Variants in GPR158 observed in about 807,000 individuals in gnomAD.
GPR158 encodes G protein-coupled receptor 158, also known as metabotropic glycine receptor.
Under a neutral mutation model 78.2 loss-of-function variants are expected in GPR158, and 30 were observed. The ratio of observed to expected loss-of-function variants is 0.38; its 90% confidence interval spans 0.29 to 0.52. GPR158 has a LOEUF of 0.52. Ranked by LOEUF, GPR158 falls within the 20% of genes least tolerant of loss-of-function variation. GPR158 has a pLI of 0.83. For missense variants in GPR158, 1,463 were observed against 1,523.5 expected, an observed-to-expected ratio of 0.96 and a Z score of 0.66; for synonymous variants, 581 against 591.1, an observed-to-expected ratio of 0.98 and a Z score of 0.25.
At chr10:25,269,848 G>A (rs1236975850) in intron 2 of GPR158, among the ~76,000 whole-genome samples, 2 of 152,104 alleles carry the variant, frequency 1.3e-5, no homozygotes, top group Non-Finnish European at 2.9e-5. Context: ...ATCCTTTAAC[G>A]TTTGTATTAT....
At chr10:25,235,719 C>T (rs1337026095) in intron 2 of GPR158, among the ~76,000 whole-genome samples, 17 of 120,614 alleles carry the variant, frequency 1.4e-4, no homozygotes, top group Middle Eastern at 6.3e-3. Context: ...TTTTTTGAGA[C>T]GGAGTATCTC....
chr10:25,585,934 G>A (rs10764564), intron 7 of GPR158, among the ~76,000 whole-genome samples: 44,390 of 152,034 alleles, frequency 0.29, 6,942 homozygotes, highest in East Asian at 0.49. Flanking sequence ...TGCCACGATC[G>A]TGCCACAACA....
rs775562290 is a variant in GPR158 at position 25,599,204 on chromosome 10, C to T, written c.3578C>T (p.Ser1193Phe). The change falls in exon 11 of 11, where the codon TCT becomes TTT. Residue 1193 changes from serine to phenylalanine, a missense_variant. Transcript: ENST00000376351. ...GGAAGAAGTGTAGCTTTACCTGCCT[C>T]TTCTGCTCTAAGTGCAAATAAGATA... ...NAGRSVALPA[S>F]SALSANKIAG... 1.2e-6 allele frequency: 2 copies of T among 1,612,250 alleles called. No individual in the cohort carries two copies. The highest frequency in any genetic ancestry group is 1.3e-5 in the African/African-American group (1 of 74,914).
chr10:25,546,383 T>C (rs75354200), intron 5 of GPR158, among the ~76,000 whole-genome samples: 3,221 of 152,294 alleles, frequency 0.021, 50 homozygotes, highest in African/African-American at 0.038. Flanking sequence ...TGCAGACTTA[T>C]GCATCCTTTT....
At chr10:25,216,193 T>C (rs759629398) in intron 1 of GPR158, among the ~76,000 whole-genome samples, 4 of 152,226 alleles carry the variant, frequency 2.6e-5, no homozygotes, top group Non-Finnish European at 5.9e-5. Flanking sequence ...TCTGGTTGTC[T>C]ATTGTTAGAA....
At chr10:25,203,763 C>T (rs1417620936) in intron 1 of GPR158, among the ~76,000 whole-genome samples, 1 of 144,246 alleles carries the variant, frequency 6.9e-6, no homozygotes, top group South Asian at 2.3e-4. Flanking sequence ...TCCATATGAA[C>T]TTTAAAGTAG....
At chr10:25,491,179 T>C (rs551748032) in intron 5 of GPR158, among the ~76,000 whole-genome samples, 1 of 152,314 alleles carries the variant, frequency 6.6e-6, no homozygotes. Flanking sequence ...TCTATAGATC[T>C]TTGTAAAAGA....
At chr10:25,233,435 T>G (rs1394179183) in intron 2 of GPR158, among the ~76,000 whole-genome samples, 1 of 152,222 alleles carries the variant, frequency 6.6e-6, no homozygotes, top group Admixed American at 6.5e-5. Context: ...GAGGAGATTC[T>G]ATTGAGTTGA....
rs556774773 is a variant in GPR158, at chr10:25,337,406, A to G, written c.1009-58505A>G. Among the ~76,000 whole-genome samples the G allele has an allele frequency of 3.3e-5, 5 of 152,192 alleles. No homozygotes were observed. The South Asian group carries it at 1.0e-3, about 32-fold the overall frequency. On this transcript the variant is annotated intron_variant, in intron 2 of 10. Transcript: ENST00000376351. ...GAATGTTATGTTTAGATCATGTAAC[A>G]TGCACCCTTTTGTGTCTGGCTTTTT...
chr10:25,563,382 A>G lies in GPR158; in HGVS notation c.1515-9267A>G, dbSNP rs12765835. Among the ~76,000 whole-genome samples, 1,137 of 152,280 alleles carry G rather than the reference A, an allele frequency of 7.5e-3. 10 individuals carry two copies. Among genetic ancestry groups the G allele is most frequent in the Middle Eastern group, 0.024 (7 of 294 alleles). On this transcript the variant is annotated intron_variant, in intron 6 of 10. Transcript: ENST00000376351. The stretch of plus-strand genomic sequence containing the variant: ...CTTATAGAAAACATATAGTTGGATC[A>G]TCTTTTAAAAAATCTCTTCTACCAT...
At chr10:25,556,094 G>A (rs1161464342) in intron 6 of GPR158, among the ~76,000 whole-genome samples, 4 of 152,172 alleles carry the variant, frequency 2.6e-5, no homozygotes, top group African/African-American at 9.7e-5. Flanking sequence ...GTTTAAGATG[G>A]CGTCTTAAAC....
At chr10:25,378,472 A>G (rs1201635560) in intron 2 of GPR158, among the ~76,000 whole-genome samples, 2 of 151,098 alleles carry the variant, frequency 1.3e-5, no homozygotes, top group Admixed American at 1.3e-4. Flanking sequence ...CTTCTTTCTT[A>G]TTTTATTCGT....
At chr10:25,432,694 GGCTTGA>G (rs1421755747) in intron 4 of GPR158, among the ~76,000 whole-genome samples, 1 of 152,040 alleles carries the variant, frequency 6.6e-6, no homozygotes, top group Non-Finnish European at 1.5e-5. Flanking sequence ...CTAAGCACCA[GGCTTGA>G]GCACTTCCCA....
At chr10:25,364,040 G>T (rs10828776) in intron 2 of GPR158, among the ~76,000 whole-genome samples, 1 of 151,770 alleles carries the variant, frequency 6.6e-6, no homozygotes, top group East Asian at 1.9e-4. Flanking sequence ...AATGCCTAGC[G>T]TATAATAAGC....
At chr10:25,365,552 T>G (rs1855708843) in intron 2 of GPR158, among the ~76,000 whole-genome samples, 1 of 151,688 alleles carries the variant, frequency 6.6e-6, no homozygotes, top group Admixed American at 6.6e-5. Context: ...ATATAATCAC[T>G]TTTAATATCC....
At chr10:25,332,401 T>C (rs516071) in intron 2 of GPR158, among the ~76,000 whole-genome samples, 91,846 of 152,064 alleles carry the variant, frequency 0.6, 29,614 homozygotes, top group Non-Finnish European at 0.75. Flanking sequence ...GTTGGTTTAC[T>C]TGGAATAAAA....
chr10:25,217,390 C>T (rs778084357), intron 1 of GPR158, among the ~76,000 whole-genome samples: 1 of 152,128 alleles, frequency 6.6e-6, no homozygotes, highest in Non-Finnish European at 1.5e-5. Context: ...ATGGTGCCTA[C>T]CCATCCAACA....
chr10:25,210,229 T>G (rs566399694), intron 1 of GPR158, among the ~76,000 whole-genome samples: 2 of 152,342 alleles, frequency 1.3e-5, no homozygotes, highest in Non-Finnish European at 2.9e-5. Flanking sequence ...AAATAGTTGT[T>G]AGATACCTCA....
intron 5 of GPR158, among the ~76,000 whole-genome samples, chr10:25,527,218 AATG>A (rs536571847): frequency 1.5e-4 from 23 of 152,332 alleles, no homozygotes; most frequent in East Asian, 1.2e-3. Context: ...TGTGCAAAAT[AATG>A]ATGATAAATA....
Sources: gnomAD v4.1 joint callset for allele counts (sites outside exome capture counted in the v4.1 genomes callset) on GRCh38, gnomAD v4.1.1 for gene constraint, MANE v1.5 for transcripts, NCBI Gene and HGNC (gene_info 2026-07-23, HGNC 2026-07-21) for gene names.